SPATA31E1: variants seen among roughly 807,000 people sequenced by gnomAD.
The protein encoded by SPATA31E1 is spermatogenesis-associated protein 31E1.
SPATA31E1 carries 7 observed loss-of-function variants against 12.9 expected under a neutral mutation model. The ratio of observed to expected loss-of-function variants is 0.54; its 90% CI spans 0.31 to 1.02. SPATA31E1 has a LOEUF of 1.02. Among genes scored for constraint, SPATA31E1 ranks in the 50% least tolerant of loss-of-function variants. The pLI is 0.05. For missense variants in SPATA31E1, 1,961 were observed against 1,799.8 expected (o/e 1.09, Z -1.62); for synonymous variants, 771 against 719.0 (o/e 1.07, Z -1.16).
chr9:87,883,143 C>G lies in SPATA31E1; in HGVS notation c.252C>G (p.Leu84=). Residue 84 remains leucine (L), a synonymous_variant, in exon 1 of 4, where the codon CTC becomes CTG. Coordinates refer to ENST00000325643, the MANE Select transcript of SPATA31E1 (RefSeq NM_178828.5). The part of the protein sequence containing the change: ...CGLVLLFLLL[L]YVHSDPPSPP... ...TAGTGCTCCTCTTCCTATTGCTCCT[C>G]TACGTCCACAGTGACCCACCCTCAC... 6.3e-7 allele frequency: 1 copy of G among 1,597,196 alleles called. No individual in the cohort carries two copies. The highest frequency in any genetic ancestry group is 8.5e-7 in the Non-Finnish European group (1 of 1,170,750).
In SPATA31E1 at chr9:87,887,685, C is replaced by T. The variant is rs1312336054; in HGVS notation, c.3198C>T (p.Ser1066=). 6.2e-7 allele frequency: 1 copy of T among 1,614,154 alleles called. No individual in the cohort carries two copies. The part of the protein sequence containing the change: ...SSGSVQEDLR[S]TGALGTTGNP... ...GAAGTGTTCAGGAGGATCTGAGGAGCACAGGGGCTCTGGGGACCACTGGTA... is the reference window on the plus strand; with the variant it reads ...GAAGTGTTCAGGAGGATCTGAGGAGTACAGGGGCTCTGGGGACCACTGGTA... Residue 1066 remains serine (S), a synonymous_variant, in exon 4 of 4, where the codon AGC becomes AGT. Coordinates refer to ENST00000325643, the MANE Select transcript of SPATA31E1 (RefSeq NM_178828.5).
rs201509283 is a variant in SPATA31E1 at position 87,885,515 on chromosome 9, A to T, written c.1028A>T (p.Asp343Val). The T allele has an allele frequency of 1.9e-6, 3 of 1,614,018 alleles. No homozygotes were observed. The highest frequency in any genetic ancestry group is 2.5e-6 in the Non-Finnish European group (3 of 1,179,998). ...DHTSEASFWG[D>V]PTPKHMEVGG... Reference sequence around the variant, plus strand: ...ACCTCAGAGGCTTCCTTCTGGGGAGACCCCACACCCAAGCACATGGAGGTA... The same window carrying T: ...ACCTCAGAGGCTTCCTTCTGGGGAGTCCCCACACCCAAGCACATGGAGGTA... Residue 343 changes from aspartate (D) to valine (V), a missense_variant, in exon 4 of 4, where the codon GAC (aspartate) becomes GTC (valine). By Grantham distance (152) the Asp-to-Val change is radical. Transcript: ENST00000325643.
Position 87,884,642 on chromosome 9 carries a change from T to C in SPATA31E1, c.416T>C (p.Leu139Pro). 1 of 1,614,096 alleles carries C rather than the reference T, an allele frequency of 6.2e-7. No individual in the cohort carries two copies. The highest frequency in any genetic ancestry group is 8.5e-7 in the Non-Finnish European group (1 of 1,180,004). ...GAGGAGACTCGGGACCTGAACTACC[T>C]TCTGGAAAGGTGAGGAGCTTCCCCC... ...ELEETRDLNY[L>P]LESHLRKLAG... The change falls in exon 3 of 4, where the codon CTT becomes CCT. Residue 139 changes from leucine (L) to proline (P), a missense_variant. By Grantham distance (98) the Leu-to-Pro change is moderately conservative. Transcript: ENST00000325643.
Position 87,886,349 on chromosome 9 carries a change from G to A in SPATA31E1, c.1862G>A (p.Ser621Asn). The A allele has an allele frequency of 6.2e-7, 1 of 1,613,516 alleles. No homozygotes were observed. The highest frequency in any genetic ancestry group is 8.5e-7 in the Non-Finnish European group (1 of 1,179,804). Residue 621 changes from serine to asparagine, a missense_variant, in exon 4 of 4, where the codon AGC (serine) becomes AAC (asparagine). Transcript: ENST00000325643. ...CCCATCCTTCCCGGGGTTGTCACCA[G>A]CCCTGAGCTCCCAGAGCACTGGTGG... ...SAPILPGVVT[S>N]PELPEHWWQG...
rs146551795 is a variant in SPATA31E1, at chr9:87,887,730, C to T, written c.3243C>T (p.Val1081=). Residue 1081 remains valine (V), a synonymous_variant, in exon 4 of 4, where the codon GTC becomes GTT. Transcript: ENST00000325643. Reference sequence around the variant, plus strand: ...CTGGTAACCCCTCAGCGTCTTCAGTCTGTGTTGCTCAGGATCCAGAGCAGC... The same window carrying T: ...CTGGTAACCCCTCAGCGTCTTCAGTTTGTGTTGCTCAGGATCCAGAGCAGC... The part of the protein sequence containing the change: ...GTTGNPSASS[V]CVAQDPEQLH... The T allele has an allele frequency of 2.2e-5, 35 of 1,614,110 alleles. No individual in the cohort carries two copies. Among genetic ancestry groups the T allele is most frequent in the Non-Finnish European group, 2.9e-5 (34 of 1,180,028 alleles).
At position 87,886,868 on chromosome 9, in the gene SPATA31E1, G is replaced by A. The variant is rs754724399; in HGVS notation, c.2381G>A (p.Cys794Tyr). ...CGTCGCTCCTGGCTCATGGCCAAAT[G>A]TGCTGTTCCCAAGTCTGACACCCAC... ...PVRRSWLMAK[C>Y]AVPKSDTHRK... The change falls in exon 4 of 4, where the codon TGT becomes TAT. Residue 794 changes from cysteine (C) to tyrosine (Y), a missense_variant. Transcript: ENST00000325643. The A allele has an allele frequency of 3.1e-6, 5 of 1,614,180 alleles. No individual in the cohort carries two copies. In the South Asian group the frequency reaches 5.5e-5, roughly 18 times the overall value.
Position 87,884,615 on chromosome 9 carries a change from T to C in SPATA31E1, c.389T>C (p.Leu130Pro). Residue 130 changes from leucine to proline, a missense_variant, in exon 3 of 4, where the codon CTG becomes CCG. By Grantham distance (98) the Leu-to-Pro change is moderately conservative (BLOSUM62 -3). Coordinates refer to ENST00000325643, the MANE Select transcript of SPATA31E1 (RefSeq NM_178828.5). ...LKACRILLRELEETRDLNYLL... is the reference protein window; with the variant it reads ...LKACRILLREPEETRDLNYLL... ...GCTTGCAGAATCCTCCTGAGGGAGC[T>C]GGAGGAGACTCGGGACCTGAACTAC... is the stretch of plus-strand genomic sequence containing the variant. The C allele has an allele frequency of 1.9e-6, 3 of 1,614,134 alleles. No homozygotes were observed. The highest frequency in any genetic ancestry group is 2.5e-6 in the Non-Finnish European group (3 of 1,179,994).
At position 87,888,793 on chromosome 9, in the gene SPATA31E1, C is replaced by A; in HGVS notation, c.4306C>A (p.Leu1436Met). The change falls in exon 4 of 4, where the codon CTG (leucine) becomes ATG (methionine). Residue 1436 changes from leucine to methionine, a missense_variant. Coordinates refer to ENST00000325643, the MANE Select transcript of SPATA31E1 (RefSeq NM_178828.5). The stretch of plus-strand genomic sequence containing the variant: ...CGGCCCCCATCCACAGCTGCAGGAA[C>A]TGATGTCTGCACAGAGGTGTCTTGC... ...SGGPHPQLQELMSAQRCLAS is the reference protein window; with the variant it reads ...SGGPHPQLQEMMSAQRCLAS 1 of 1,611,508 alleles carries A rather than the reference C, an allele frequency of 6.2e-7. No individual in the cohort carries two copies. The highest frequency in any genetic ancestry group is 2.2e-5 in the East Asian group (1 of 44,854).
chr9:87,887,337 G>T lies in SPATA31E1; in HGVS notation c.2850G>T (p.Pro950=). Residue 950 remains proline, a synonymous_variant, in exon 4 of 4, where the codon CCG becomes CCT. Transcript: ENST00000325643. ...CCCATGGGCGATCAGAGGCCTTTCCGACTGGACACAAGGGCAGGGGGTGTT... is the reference window on the plus strand; with the variant it reads ...CCCATGGGCGATCAGAGGCCTTTCCTACTGGACACAAGGGCAGGGGGTGTT... ...ADTHGRSEAF[P]TGHKGRGCSQ... 3 of 1,613,752 alleles carry T rather than the reference G, an allele frequency of 1.9e-6. No individual in the cohort carries two copies. Among genetic ancestry groups the T allele is most frequent in the Non-Finnish European group, 2.5e-6 (3 of 1,180,026 alleles).
chr9:87,884,814 T>A, intron 3 of SPATA31E1, 99 bp from the exon 4 acceptor site: 7 of 1,461,288 alleles, frequency 4.8e-6, no homozygotes, highest in Non-Finnish European at 6.5e-6. Context: ...AGTCAGCAGT[T>A]GGGGAGGTGG....
rs145699645 is a variant in SPATA31E1 at position 87,887,065 on chromosome 9, G to A, written c.2578G>A (p.Val860Ile). Residue 860 changes from valine to isoleucine, a missense_variant, in exon 4 of 4, where the codon GTC (valine) becomes ATC (isoleucine). Coordinates refer to ENST00000325643, the MANE Select transcript of SPATA31E1 (RefSeq NM_178828.5). ...TDLQSLEPIN[V>I]WSGEAQAPPF... ...CCTCCAGTCCCTGGAGCCCATAAATGTCTGGTCAGGTGAGGCTCAGGCCCC... is the reference window on the plus strand; with the variant it reads ...CCTCCAGTCCCTGGAGCCCATAAATATCTGGTCAGGTGAGGCTCAGGCCCC... 2.9e-3 allele frequency: 4,738 copies of A among 1,614,084 alleles called. 12 individuals carry two copies. Among genetic ancestry groups the A allele is most frequent in the Admixed American group, 4.2e-3 (255 of 60,022 alleles).
In SPATA31E1 at chr9:87,884,483, C is replaced by A. The variant is rs926602489; in HGVS notation, c.365-108C>A. The A allele has an allele frequency of 5.2e-6, 6 of 1,157,576 alleles. No homozygotes were observed. The Admixed American group carries it at 7.2e-5, about 14-fold the overall frequency. 71.7% of individuals were successfully genotyped at this position (1,157,576 alleles called of 1,614,324 possible). A position where few individuals can be genotyped will look rare whatever the true frequency, so the allele number is the denominator to read the frequency against. ...GTGGCCTCGGACACAGATGCGAGGG[C>A]TTCAGGGTCTAGTCCCCCATGGTGT... On this transcript the variant is annotated intron_variant, in intron 2 of 3. Coordinates refer to ENST00000325643, the MANE Select transcript of SPATA31E1 (RefSeq NM_178828.5).
Position 87,888,743 on chromosome 9 carries a change from G to T in SPATA31E1, c.4256G>T (p.Arg1419Met), listed in dbSNP as rs763102834. The change falls in exon 4 of 4, where the codon AGG (arginine) becomes ATG (methionine). Residue 1419 changes from arginine to methionine, a missense_variant. Arg to Met is a moderately conservative substitution (Grantham distance 91). Coordinates refer to ENST00000325643, the MANE Select transcript of SPATA31E1 (RefSeq NM_178828.5). ...PVSPAGPHHH[R>M]PRMASTSGGP... is the part of the protein sequence containing the mutation. Reference sequence around the variant, plus strand: ...TCCCCAGCTGGTCCCCACCACCACAGGCCAAGAATGGCAAGCACCTCGGGC... The same window carrying T: ...TCCCCAGCTGGTCCCCACCACCACATGCCAAGAATGGCAAGCACCTCGGGC... The T allele has an allele frequency of 1.1e-5, 17 of 1,613,558 alleles. No individual in the cohort carries two copies. Among genetic ancestry groups the T allele is most frequent in the Non-Finnish European group, 1.4e-5 (16 of 1,179,988 alleles).
In SPATA31E1 at chr9:87,886,210, C is replaced by A; in HGVS notation, c.1723C>A (p.Pro575Thr). ...TCTTGAATGGCCCTTGAAGAAGCGA[C>A]CAAAGTGGAAGAGGGTTTTGCCCTC... ...EYLEWPLKKR[P>T]KWKRVLPSLL... The change falls in exon 4 of 4, where the codon CCA becomes ACA. Residue 575 changes from proline (P) to threonine (T), a missense_variant. Physicochemically the swap from Pro to Thr is conservative, Grantham distance 38. Coordinates refer to ENST00000325643, the MANE Select transcript of SPATA31E1 (RefSeq NM_178828.5). 1 of 1,613,442 alleles carries A rather than the reference C, an allele frequency of 6.2e-7. No homozygotes were observed.
rs1358590214 is a variant in SPATA31E1, at chr9:87,886,191, A to G, written c.1704A>G (p.Glu568=). 3.7e-6 allele frequency: 6 copies of G among 1,611,682 alleles called. No individual in the cohort carries two copies. The highest frequency in any genetic ancestry group is 4.2e-6 in the Non-Finnish European group (5 of 1,178,600). The change falls in exon 4 of 4, where the codon GAA becomes GAG. Residue 568 remains glutamate (E), a synonymous_variant. Coordinates refer to ENST00000325643, the MANE Select transcript of SPATA31E1 (RefSeq NM_178828.5). The part of the protein sequence containing the change: ...SVIPTGKEYL[E]WPLKKRPKWK... The stretch of plus-strand genomic sequence containing the variant: ...TCCCCACTGGAAAGGAGTATCTTGA[A>G]TGGCCCTTGAAGAAGCGACCAAAGT...
intron 2 of SPATA31E1, among the ~76,000 whole-genome samples, chr9:87,884,390 G>A (rs762669965): frequency 7.9e-5 from 12 of 152,356 alleles, no homozygotes; most frequent in South Asian, 6.2e-4. Flanking sequence ...GGGGGTGGAC[G>A]TGGAAGCACT....
At chr9:87,884,375 G>A (rs1828224173) in intron 2 of SPATA31E1, among the ~76,000 whole-genome samples, 3 of 152,226 alleles carry the variant, frequency 2.0e-5, no homozygotes, top group South Asian at 2.1e-4. Context: ...TTGTGACACC[G>A]ATGAGGGGGT....
intron 1 of SPATA31E1, among the ~76,000 whole-genome samples, chr9:87,883,409 A>C (rs1296591649): frequency 1.3e-5 from 2 of 151,988 alleles, no homozygotes; most frequent in Non-Finnish European, 2.9e-5. Flanking sequence ...TCAGGGCAAA[A>C]ACCAACACTG....
At position 87,887,180 on chromosome 9, in the gene SPATA31E1, G is replaced by A. The variant is rs1402331445; in HGVS notation, c.2693G>A (p.Arg898His). The A allele has an allele frequency of 1.1e-5, 18 of 1,613,926 alleles. No individual in the cohort carries two copies. The highest frequency in any genetic ancestry group is 6.7e-5 in the East Asian group (3 of 44,882). Residue 898 changes from arginine to histidine, a missense_variant, in exon 4 of 4, where the codon CGT (arginine) becomes CAT (histidine). Physicochemically the swap from Arg to His is conservative, Grantham distance 29. Transcript: ENST00000325643. ...VPKVPIFLGKRPQNGPGDNRT... is the reference protein window; with the variant it reads ...VPKVPIFLGKHPQNGPGDNRT... Reference sequence around the variant, plus strand: ...AAGGTTCCCATTTTCCTGGGAAAACGTCCTCAGAATGGTCCAGGAGACAAC... The same window carrying A: ...AAGGTTCCCATTTTCCTGGGAAAACATCCTCAGAATGGTCCAGGAGACAAC...
Sources: allele counts gnomAD v4.1 joint callset (sites outside exome capture counted in the v4.1 genomes callset), GRCh38; gene constraint gnomAD v4.1.1; transcripts MANE v1.5; gene names NCBI Gene and HGNC (gene_info 2026-07-23, HGNC 2026-07-21).